The following MYO5B variants were observed in gnomAD, a reference collection of about 807,000 sequenced individuals.
The protein encoded by MYO5B is unconventional myosin-Vb.
A neutral mutation model predicts 229.3 loss-of-function variants in MYO5B; 143 were observed. The ratio of observed to expected loss-of-function variants is 0.62; its 90% CI spans 0.54 to 0.72. The LOEUF (loss-of-function observed/expected upper bound fraction) is 0.72. Ranked by LOEUF, MYO5B falls within the 30% of genes least tolerant of loss-of-function variation. MYO5B has a pLI of 0.00. For synonymous variants in MYO5B, 918 were observed against 885.2 expected (o/e 1.04, Z -0.66); for missense variants, 2,321 against 2,331.0 (o/e 1.00, Z 0.09).
intron 1 of MYO5B, among the ~76,000 whole-genome samples, chr18:50,083,991 T>G (rs1042007153): frequency 9.9e-5 from 15 of 152,204 alleles, no homozygotes; most frequent in Admixed American, 2.6e-4. Context: ...TTAATAGCTA[T>G]GTGACTCAGG....
intron 27 of MYO5B, among the ~76,000 whole-genome samples, chr18:49,870,187 T>C (rs1158660671): frequency 6.6e-6 from 1 of 152,228 alleles, no homozygotes; most frequent in Non-Finnish European, 1.5e-5. Context: ...ATGCCATCTG[T>C]GTGGCCCTGG....
At chr18:50,189,752 G>A (rs1025583593) in intron 1 of MYO5B, among the ~76,000 whole-genome samples, 1 of 152,154 alleles carries the variant, frequency 6.6e-6, no homozygotes, top group Non-Finnish European at 1.5e-5. Flanking sequence ...CTCCAGCAGG[G>A]GTGACTGGGT....
rs187949082 is a variant in MYO5B, at chr18:50,103,544, G to T, written c.28-48166C>A. Reference sequence around the variant, plus strand: ...GTGGAAGGATCACTCGAGGCCAGGAGTTCAAGAGCAGCTAGGCAACAAAGT... The same window carrying T: ...GTGGAAGGATCACTCGAGGCCAGGATTTCAAGAGCAGCTAGGCAACAAAGT... On this transcript the variant is annotated intron_variant, in intron 1 of 39. Coordinates refer to ENST00000285039, the MANE Select transcript of MYO5B (RefSeq NM_001080467.3). Among the ~76,000 whole-genome samples, 16 of 152,326 alleles carry T rather than the reference G, an allele frequency of 1.1e-4. No homozygotes were observed. The East Asian group carries it at 1.5e-3, about 15-fold the overall frequency.
intron 31 of MYO5B, chr18:49,850,946 C>A (rs2024193123): frequency 6.6e-6 from 1 of 152,438 alleles, no homozygotes; most frequent in Admixed American, 6.5e-5. Flanking sequence ...CCCAGGGCTG[C>A]TCCAGACTGG....
intron 25 of MYO5B, chr18:49,876,409 T>C (rs955827706): frequency 2.3e-5 from 5 of 218,824 alleles, no homozygotes; most frequent in Non-Finnish European, 3.7e-5. Context: ...TGCGTGGGGA[T>C]AGGGGTGTAC....
At chr18:50,182,014 G>A (rs8093558) in intron 1 of MYO5B, among the ~76,000 whole-genome samples, 77,966 of 151,992 alleles carry the variant, frequency 0.51, 20,143 homozygotes, top group Admixed American at 0.6. Flanking sequence ...CAAATGAACC[G>A]TTGGATTAGA....
At chr18:49,939,711 C>T (rs900469199) in intron 14 of MYO5B, among the ~76,000 whole-genome samples, 3 of 152,134 alleles carry the variant, frequency 2.0e-5, no homozygotes, top group African/African-American at 7.2e-5. Context: ...GCTAGAACCT[C>T]GGCCTCCGGA....
At chr18:49,896,051 C>T (rs1036462172) in intron 21 of MYO5B, among the ~76,000 whole-genome samples, 1 of 152,208 alleles carries the variant, frequency 6.6e-6, no homozygotes, top group Non-Finnish European at 1.5e-5. Flanking sequence ...CCAGGCAGAA[C>T]AGAGCTAGCG....
intron 1 of MYO5B, among the ~76,000 whole-genome samples, chr18:50,099,753 G>T (rs944570277): frequency 6.6e-6 from 1 of 152,182 alleles, no homozygotes; most frequent in African/African-American, 2.4e-5. Context: ...AGAATAGTTA[G>T]CTGAGAAATA....
chr18:49,976,094 A>G (rs949829143), intron 9 of MYO5B, among the ~76,000 whole-genome samples: 1 of 152,258 alleles, frequency 6.6e-6, no homozygotes, highest in African/African-American at 2.4e-5. Context: ...GAAAGCTGGT[A>G]GCCCAGGCTC....
rs2024561434 is a variant in MYO5B, at chr18:49,879,332, AGC to A, written c.3131-244_3131-243del. 5.6e-6 allele frequency: 3 copies of A among 531,848 alleles called. No homozygotes were observed. The East Asian group carries it at 1.0e-4, about 19-fold the overall frequency. The allele number at this position is 531,848 out of a possible 1,614,324, so 32.9% of individuals were successfully genotyped here. On this transcript the variant is annotated intron_variant, in intron 23 of 39. Coordinates refer to ENST00000285039, the MANE Select transcript of MYO5B (RefSeq NM_001080467.3). The stretch of plus-strand genomic sequence containing the variant: ...AGGGAATGGGGAGAGAGAAGTTGGC[AGC>A]GTAGGTGAGAATTCCCTCAGTTGAT...
At chr18:50,189,476 T>A (rs574635928) in intron 1 of MYO5B, among the ~76,000 whole-genome samples, 2 of 152,360 alleles carry the variant, frequency 1.3e-5, no homozygotes, top group South Asian at 2.1e-4. Context: ...TTAAGGACTG[T>A]TCCCTTTTGC....
chr18:49,902,568 C>T (rs1034865287), intron 21 of MYO5B, 26 bp downstream of exon 21: 1 of 1,608,064 alleles, frequency 6.2e-7, no homozygotes, highest in Non-Finnish European at 8.5e-7. Flanking sequence ...CCCCCGACAC[C>T]CAGGTAGGGA....
intron 10 of MYO5B, among the ~76,000 whole-genome samples, chr18:49,963,587 G>A (rs1344471034): frequency 1.3e-5 from 2 of 151,750 alleles, no homozygotes; most frequent in South Asian, 2.1e-4. Context: ...CCACCATGCC[G>A]AGCTAATTTT....
chr18:49,984,664 C>T, intron 8 of MYO5B, 54 bp downstream of exon 8: 1 of 1,369,058 alleles, frequency 7.3e-7, no homozygotes, highest in Admixed American at 1.7e-5. Flanking sequence ...TTGCATTCTA[C>T]CCTCCGTGCC....
rs907181960 is a variant in MYO5B, at chr18:49,830,619, G to A, written c.5395-3996C>T. On this transcript the variant is annotated intron_variant, in intron 39 of 39. Coordinates refer to ENST00000285039, the MANE Select transcript of MYO5B (RefSeq NM_001080467.3). ...TCCCAGCACTTTGGGAAGCTGAGGT[G>A]GGCAGATCACCTGAGGTTGGGAGTT... 1.2e-4 allele frequency among the ~76,000 whole-genome samples: 18 copies of A among 152,162 alleles called. No homozygotes were observed. The East Asian group carries it at 2.7e-3, about 23-fold the overall frequency.
At chr18:49,832,971 T>C (rs1362271203) in intron 39 of MYO5B, among the ~76,000 whole-genome samples, 1 of 152,106 alleles carries the variant, frequency 6.6e-6, no homozygotes, top group East Asian at 1.9e-4. Context: ...ACAAGGCATA[T>C]GTATGTAAAA....
At chr18:49,873,542 A>T (rs1440160887) in intron 26 of MYO5B, among the ~76,000 whole-genome samples, 1 of 152,184 alleles carries the variant, frequency 6.6e-6, no homozygotes, top group African/African-American at 2.4e-5. Flanking sequence ...TTTTGCCTCC[A>T]CCACCACCAG....
chr18:50,106,679 G>A (rs901782802), intron 1 of MYO5B, among the ~76,000 whole-genome samples: 4 of 152,152 alleles, frequency 2.6e-5, no homozygotes, highest in South Asian at 2.1e-4. Flanking sequence ...TCCAACTCCC[G>A]AGGCCTGGGG....
Sources: gnomAD v4.1 joint callset for allele counts (sites outside exome capture counted in the v4.1 genomes callset) on GRCh38, gnomAD v4.1.1 for gene constraint, MANE v1.5 for transcripts, NCBI Gene and HGNC (gene_info 2026-07-23, HGNC 2026-07-21) for gene names.